RIPPLY3: variants seen among roughly 807,000 people sequenced by gnomAD.
RIPPLY3 encodes the protein ripply transcriptional repressor 3.
In RIPPLY3, 8 loss-of-function variants were observed where a neutral mutation model predicts 11.9. The ratio of observed to expected loss-of-function variants is 0.67; its 90% CI spans 0.40 to 1.21. The LOEUF is 1.21. RIPPLY3 is among the 50% of genes most tolerant of loss of function. RIPPLY3 has a pLI of 0.01. For missense variants in RIPPLY3, 271 were observed against 246.0 expected (o/e 1.10, Z -0.68); for synonymous variants, 102 against 99.0 (o/e 1.03, Z -0.18).
At chr21:37,016,251 T>A (rs2069577171) in intron 3 of RIPPLY3, among the ~76,000 whole-genome samples, 1 of 152,164 alleles carries the variant, frequency 6.6e-6, no homozygotes, top group African/African-American at 2.4e-5. Context: ...TTACCAGTAT[T>A]CCTGGCCTCT....
chr21:37,008,426 G>T (rs2069487693), intron 2 of RIPPLY3, among the ~76,000 whole-genome samples: 1 of 152,030 alleles, frequency 6.6e-6, no homozygotes, highest in Admixed American at 6.6e-5. Context: ...TGGGCTCCTG[G>T]TGGCTTCTCC....
intron 1 of RIPPLY3, 113 bp from the exon 2 acceptor site, chr21:37,008,044 G>A: frequency 7.5e-6 from 8 of 1,062,286 alleles, no homozygotes; most frequent in East Asian, 2.5e-5. Context: ...TTCCTGGGGG[G>A]TCCGGTGCCT....
At chr21:37,007,879 G>A (rs1234299165) in intron 1 of RIPPLY3, among the ~76,000 whole-genome samples, 1 of 152,196 alleles carries the variant, frequency 6.6e-6, no homozygotes, top group Admixed American at 6.5e-5. Flanking sequence ...TGCAGGGAGA[G>A]AAATCTCTCA....
chr21:37,006,180 G>A (rs1465903227), upstream of RIPPLY3: 1 of 152,474 alleles, frequency 6.6e-6, no homozygotes, highest in Admixed American at 6.5e-5. This position sits in a 1 kb window ranked among gnomAD's most constrained non-coding sequence, Gnocchi z 5.2. Context: ...ACCACAGAGG[G>A]ACGGAGAAGC....
upstream of RIPPLY3, chr21:37,006,447 G>A: frequency 4.6e-6 from 1 of 216,296 alleles, no homozygotes; most frequent in East Asian, 9.2e-5. This position sits in a 1 kb window ranked among gnomAD's most constrained non-coding sequence, Gnocchi z 5.2. Context: ...ACCCTTGCCC[G>A]GGCCTGCCGG....
At chr21:37,014,701 A>G (rs2069560622) in intron 3 of RIPPLY3, among the ~76,000 whole-genome samples, 1 of 152,212 alleles carries the variant, frequency 6.6e-6, no homozygotes, top group African/African-American at 2.4e-5. Context: ...ACTGGTCAGA[A>G]GGAAGCTTCC....
At chr21:37,016,424 TTTCTC>T (rs1324877985) in intron 3 of RIPPLY3, among the ~76,000 whole-genome samples, 10 of 152,188 alleles carry the variant, frequency 6.6e-5, no homozygotes, top group African/African-American at 2.2e-4. Flanking sequence ...CTCTCTCCCT[TTTCTC>T]TTCTATCTGA....
At chr21:37,013,021 C>T (rs369923034) in intron 2 of RIPPLY3, among the ~76,000 whole-genome samples, 23 of 152,208 alleles carry the variant, frequency 1.5e-4, no homozygotes, top group Admixed American at 5.2e-4. Flanking sequence ...TGCGCCACCA[C>T]GCCCATGCCT....
At chr21:37,007,874 G>A (rs959825434) in intron 1 of RIPPLY3, among the ~76,000 whole-genome samples, 10 of 152,202 alleles carry the variant, frequency 6.6e-5, no homozygotes, top group African/African-American at 2.4e-4. Context: ...GGATTTGCAG[G>A]GAGAGAAATC....
At chr21:37,012,036 G>A (rs986349600) in intron 2 of RIPPLY3, among the ~76,000 whole-genome samples, 1 of 148,014 alleles carries the variant, frequency 6.8e-6, no homozygotes, top group Non-Finnish European at 1.5e-5. Context: ...CATTCCCTCC[G>A]CCACCCGCCC....
At chr21:37,008,091 C>A in intron 1 of RIPPLY3, 66 bp from the exon 2 acceptor site, 1 of 1,544,932 alleles carries the variant, frequency 6.5e-7, no homozygotes, top group Non-Finnish European at 8.9e-7. Context: ...GAATAGCTCT[C>A]ATGGCATAGT....
upstream of RIPPLY3, chr21:37,006,437 A>T (rs1320172392): frequency 1.0e-5 from 2 of 191,992 alleles, no homozygotes; most frequent in African/African-American, 5.5e-5. The surrounding 1 kb of genome is among the most constrained non-coding windows in gnomAD (Gnocchi z 5.2). Flanking sequence ...TCCCGTCCCC[A>T]CCCTTGCCCG....
intron 2 of RIPPLY3, among the ~76,000 whole-genome samples, chr21:37,011,734 A>G (rs975880531): frequency 2.0e-5 from 3 of 152,064 alleles, no homozygotes; most frequent in African/African-American, 7.2e-5. Flanking sequence ...TGGGAGGCCG[A>G]GGCGGGCGGA....
intron 2 of RIPPLY3, among the ~76,000 whole-genome samples, chr21:37,009,150 T>C (rs1040310908): frequency 1.3e-5 from 2 of 152,222 alleles, no homozygotes; most frequent in African/African-American, 4.8e-5. Context: ...AGTTGCTTTA[T>C]ACTTACTGAT....
chr21:37,008,095 G>A, intron 1 of RIPPLY3, 62 bp from the exon 2 acceptor site: 5 of 1,551,828 alleles, frequency 3.2e-6, no homozygotes, highest in Non-Finnish European at 3.5e-6. Context: ...AGCTCTCATG[G>A]CATAGTTTGA....
At chr21:37,013,486 C>T in intron 2 of RIPPLY3, 65 bp from the exon 3 acceptor site, 1 of 1,420,914 alleles carries the variant, frequency 7.0e-7, no homozygotes, top group Non-Finnish European at 9.9e-7. Flanking sequence ...TGGTTTAAAA[C>T]CTCAGGATGT....
At chr21:37,006,500 T>G (rs1386969997), upstream of RIPPLY3, 3 of 312,326 alleles carry the variant, frequency 9.6e-6, no homozygotes, top group African/African-American at 4.4e-5. The surrounding 1 kb of genome is among the most constrained non-coding windows in gnomAD (Gnocchi z 5.2). Flanking sequence ...TGAGCTTTTC[T>G]CGTCTCCTCC....
intron 3 of RIPPLY3, among the ~76,000 whole-genome samples, chr21:37,014,977 C>G (rs952340869): frequency 6.6e-6 from 1 of 152,168 alleles, no homozygotes; most frequent in African/African-American, 2.4e-5. Flanking sequence ...ATCCTCTTCC[C>G]TCGGCCTCCC....
At chr21:37,013,139 C>T (rs777754696) in intron 2 of RIPPLY3, among the ~76,000 whole-genome samples, 9 of 152,170 alleles carry the variant, frequency 5.9e-5, no homozygotes, top group Non-Finnish European at 1.2e-4. Flanking sequence ...TCTCCTCTGC[C>T]AAAATAGTCT....
Sources: gnomAD v4.1 joint callset for allele counts (sites outside exome capture counted in the v4.1 genomes callset) on GRCh38, gnomAD v4.1.1 for gene constraint, Gnocchi (gnomAD v3.1) non-coding constraint, MANE v1.5 for transcripts, NCBI Gene and HGNC (gene_info 2026-07-23, HGNC 2026-07-21) for gene names.